The following ARHGAP21 variants were observed in gnomAD, a reference collection of about 807,000 sequenced individuals.
ARHGAP21 encodes the protein rho GTPase-activating protein 21.
A neutral mutation model predicts 164.6 loss-of-function variants in ARHGAP21; 38 were observed. The observed-to-expected ratio is 0.23, with a 90% CI of 0.18 to 0.30. The LOEUF (loss-of-function observed/expected upper bound fraction) is 0.30. Ranked by LOEUF, ARHGAP21 falls within the 10% of genes least tolerant of loss-of-function variation. ARHGAP21 has a pLI of 1.00. For synonymous variants in ARHGAP21, 766 were observed against 857.9 expected (o/e 0.89, Z 1.87); for missense variants, 1,822 against 2,370.7 (o/e 0.77, Z 4.81).
rs79733442 is a variant in ARHGAP21 at position 24,720,288 on chromosome 10, C to A, written c.63+1549G>T. Among the ~76,000 whole-genome samples, 15 of 149,532 alleles carry A rather than the reference C, an allele frequency of 1.0e-4. No homozygotes were observed. In the East Asian group the frequency reaches 2.8e-3, roughly 27 times the overall value. On this transcript the variant is annotated intron_variant, in intron 2 of 25. Coordinates refer to ENST00000396432, the MANE Select transcript of ARHGAP21 (RefSeq NM_020824.4). ...AAAAAAAAATCAAATAACATTAGTT[C>A]TTGCAAACAGAATGCAAATACAATG...
intron 4 of ARHGAP21, among the ~76,000 whole-genome samples, chr10:24,644,071 C>T (rs570929901): frequency 6.6e-6 from 1 of 152,226 alleles, no homozygotes; most frequent in South Asian, 2.1e-4. Context: ...AGTTCAATAA[C>T]CTTGTCTCCC....
chr10:24,626,235 G>A (rs937733170), intron 7 of ARHGAP21, among the ~76,000 whole-genome samples: 8 of 152,132 alleles, frequency 5.3e-5, no homozygotes, highest in African/African-American at 7.2e-5. Context: ...AGTATGCCCC[G>A]ATCTAGTTCT....
chr10:24,631,293 G>C lies in ARHGAP21; in HGVS notation c.441-1243C>G, dbSNP rs551968220. Among the ~76,000 whole-genome samples, 5 of 152,314 alleles carry C rather than the reference G, an allele frequency of 3.3e-5. No individual in the cohort carries two copies. In the East Asian group the frequency reaches 9.6e-4, roughly 29 times the overall value. On this transcript the variant is annotated intron_variant, in intron 6 of 25. Transcript: ENST00000396432. ...GCAGGAGAATTGCTTGAACCTGGGA[G>C]GCGGACATTGCAGTGAGCTGAGATC... is the stretch of plus-strand genomic sequence containing the variant.
At chr10:24,670,532 G>T in intron 2 of ARHGAP21, 135 bp from the exon 3 acceptor site, 1 of 469,682 alleles carries the variant, frequency 2.1e-6, no homozygotes, top group African/African-American at 2.0e-5. Context: ...CACAAAGCAT[G>T]CAATTATCAA....
At chr10:24,651,918 TACCC>T (rs1838213156) in intron 4 of ARHGAP21, among the ~76,000 whole-genome samples, 1 of 152,214 alleles carries the variant, frequency 6.6e-6, no homozygotes, top group Admixed American at 6.5e-5. Flanking sequence ...GAAGACATTC[TACCC>T]AATAGCAGCA....
chr10:24,624,471 C>G (rs1317630140), intron 7 of ARHGAP21, among the ~76,000 whole-genome samples: 1 of 150,694 alleles, frequency 6.6e-6, no homozygotes, highest in African/African-American at 2.4e-5. Flanking sequence ...TCCTGAGTAG[C>G]TGGGATTACA....
chr10:24,620,067 C>G lies in ARHGAP21; in HGVS notation c.1828G>C (p.Gly610Arg), dbSNP rs1263147807. ...QTTCGMSLPRGISQDRSPLVK... is the reference protein window; with the variant it reads ...QTTCGMSLPRRISQDRSPLVK... ...AGAGGTGACCTGTCTTGTGAAATACCCCGAGGCAGTGACATTCCACAAGTA... is the reference window on the plus strand; with the variant it reads ...AGAGGTGACCTGTCTTGTGAAATACGCCGAGGCAGTGACATTCCACAAGTA... Residue 610 changes from glycine (G) to arginine (R), a missense_variant, in exon 9 of 26, where the codon GGT becomes CGT. Coordinates refer to ENST00000396432, the MANE Select transcript of ARHGAP21 (RefSeq NM_020824.4). The G allele has an allele frequency of 6.2e-7, 1 of 1,613,690 alleles. No homozygotes were observed. Among genetic ancestry groups the G allele is most frequent in the African/African-American group, 1.3e-5 (1 of 74,860 alleles).
chr10:24,606,639 A>ATG (rs2077037854), intron 11 of ARHGAP21, among the ~76,000 whole-genome samples: 1 of 152,072 alleles, frequency 6.6e-6, no homozygotes, highest in African/African-American at 2.4e-5. Context: ...ATCACCTGAG[A>ATG]TCAGGAGTTT....
intron 3 of ARHGAP21, among the ~76,000 whole-genome samples, chr10:24,669,268 A>T (rs1840475103): frequency 6.6e-6 from 1 of 152,218 alleles, no homozygotes; most frequent in African/African-American, 2.4e-5. Context: ...TTTAACAAAA[A>T]ATAATTTAAA....
At chr10:24,597,730 G>A in intron 15 of ARHGAP21, 147 bp from the exon 16 acceptor site, 1 of 1,286,666 alleles carries the variant, frequency 7.8e-7, no homozygotes, top group Non-Finnish European at 1.1e-6. Context: ...TTGTAGTCCT[G>A]CCCAGAATAA....
chr10:24,664,603 TAA>T (rs1352318189), intron 4 of ARHGAP21, among the ~76,000 whole-genome samples: 1 of 151,468 alleles, frequency 6.6e-6, no homozygotes, highest in Non-Finnish European at 1.5e-5. Flanking sequence ...GTATAGATCC[TAA>T]ACCGTGAATT....
chr10:24,682,501 T>C (rs1486351718), intron 2 of ARHGAP21, among the ~76,000 whole-genome samples: 1 of 152,190 alleles, frequency 6.6e-6, no homozygotes, highest in Non-Finnish European at 1.5e-5. Flanking sequence ...ATTCCTCACA[T>C]AGTAGGATTC....
chr10:24,700,483 C>A (rs146912312), intron 2 of ARHGAP21, among the ~76,000 whole-genome samples: 1 of 152,132 alleles, frequency 6.6e-6, no homozygotes, highest in Non-Finnish European at 1.5e-5. Context: ...TTTCCAGGCT[C>A]CCTAACTGAT....
chr10:24,601,848 TC>T (rs1418252010), intron 13 of ARHGAP21, 129 bp downstream of exon 13: 9 of 1,139,110 alleles, frequency 7.9e-6, no homozygotes, highest in Middle Eastern at 3.3e-4. Context: ...TGTAGAAAAA[TC>T]TATTTATAAA....
intron 4 of ARHGAP21, among the ~76,000 whole-genome samples, 158 bp downstream of exon 4, chr10:24,666,827 T>C (rs1840241818): frequency 6.6e-6 from 1 of 152,136 alleles, no homozygotes; most frequent in African/African-American, 2.4e-5. Flanking sequence ...AACTTTGAAG[T>C]CCACAGTAAA....
intron 24 of ARHGAP21, chr10:24,590,292 T>C: frequency 6.5e-7 from 1 of 1,533,274 alleles, no homozygotes; most frequent in South Asian, 1.2e-5. Flanking sequence ...CTGTTTACAA[T>C]AATCTTATGA....
chr10:24,716,281 G>A (rs899731364), intron 2 of ARHGAP21, among the ~76,000 whole-genome samples: 1 of 152,220 alleles, frequency 6.6e-6, no homozygotes, highest in South Asian at 2.1e-4. Context: ...AAGTGATAGG[G>A]AGATAAAGCA....
chr10:24,652,793 G>A lies in ARHGAP21; in HGVS notation c.268+14192C>T, dbSNP rs150438867. Reference sequence around the variant, plus strand: ...GTGTCAGTGAGGATACAGAGCAAGCGGAACTCTCATACACTGTTGCTGAGT... The same window carrying A: ...GTGTCAGTGAGGATACAGAGCAAGCAGAACTCTCATACACTGTTGCTGAGT... On this transcript the variant is annotated intron_variant, in intron 4 of 25. Coordinates refer to ENST00000396432, the MANE Select transcript of ARHGAP21 (RefSeq NM_020824.4). Among the ~76,000 whole-genome samples the A allele has an allele frequency of 6.6e-5, 10 of 152,266 alleles. 2 individuals carry two copies. The highest frequency in any genetic ancestry group is 2.2e-4 in the African/African-American group (9 of 41,548).
At chr10:24,720,254 CA>C (rs55746821) in intron 2 of ARHGAP21, among the ~76,000 whole-genome samples, 56 of 133,782 alleles carry the variant, frequency 4.2e-4, no homozygotes, top group Admixed American at 1.1e-3. Flanking sequence ...CTTAAATGAC[CA>C]AAAAAAAAAA....
Sources: allele counts gnomAD v4.1 joint callset (sites outside exome capture counted in the v4.1 genomes callset), GRCh38; gene constraint gnomAD v4.1.1; transcripts MANE v1.5; gene names NCBI Gene and HGNC (gene_info 2026-07-23, HGNC 2026-07-21).